AUTS2: variants seen among roughly 807,000 people sequenced by gnomAD.
AUTS2 encodes the protein autism susceptibility gene 2 protein.
AUTS2 carries 17 observed loss-of-function variants against 112.4 expected under a neutral mutation model. That is an observed-to-expected ratio of 0.15 (90% CI 0.10 to 0.23). The LOEUF is 0.23. Ranked by LOEUF, AUTS2 falls within the 10% of genes least tolerant of loss-of-function variation. AUTS2 has a pLI of 1.00. For synonymous variants in AUTS2, 751 were observed against 702.7 expected (o/e 1.07, Z -1.09); for missense variants, 1,510 against 1,701.6 (o/e 0.89, Z 1.98).
intron 2 of AUTS2, among the ~76,000 whole-genome samples, chr7:69,979,937 A>G (rs558138194): frequency 1.6e-4 from 25 of 152,276 alleles, no homozygotes; most frequent in Non-Finnish European, 2.5e-4. Context: ...TATTTACTGT[A>G]TGTTTTTGTG....
chr7:69,822,683 C>T (rs747754074), intron 1 of AUTS2, among the ~76,000 whole-genome samples: 1 of 152,182 alleles, frequency 6.6e-6, no homozygotes, highest in Non-Finnish European at 1.5e-5. Context: ...AGAGTTTTAG[C>T]ACAGGACAGA....
intron 4 of AUTS2, among the ~76,000 whole-genome samples, chr7:70,185,297 T>C: frequency 7.3e-6 from 1 of 137,744 alleles, no homozygotes; most frequent in Non-Finnish European, 1.5e-5. Context: ...GAAACGAGGA[T>C]CTTCCTATGT....
chr7:70,752,814 T>G (rs1788953836), intron 6 of AUTS2, among the ~76,000 whole-genome samples: 1 of 152,214 alleles, frequency 6.6e-6, no homozygotes, highest in Non-Finnish European at 1.5e-5. Flanking sequence ...GGTCATTTGA[T>G]TACATAGTCC....
intron 1 of AUTS2, among the ~76,000 whole-genome samples, chr7:69,649,513 G>A (rs1795194393): frequency 6.6e-6 from 1 of 151,824 alleles, no homozygotes; most frequent in Non-Finnish European, 1.5e-5. Context: ...CTCACTGTAT[G>A]CTTTTTTTTT....
chr7:69,643,649 C>T (rs2851498), intron 1 of AUTS2, among the ~76,000 whole-genome samples: 92,304 of 151,500 alleles, frequency 0.61, 28,515 homozygotes, highest in East Asian at 0.71. Context: ...CCCCACCCCG[C>T]CCCCAGCACA....
At chr7:70,605,638 T>G (rs965570107) in intron 5 of AUTS2, among the ~76,000 whole-genome samples, 1 of 150,838 alleles carries the variant, frequency 6.6e-6, no homozygotes, top group Non-Finnish European at 1.5e-5. Flanking sequence ...CTGGAACTTT[T>G]CTAGTAAGTA....
At chr7:69,647,802 A>G (rs549906037) in intron 1 of AUTS2, among the ~76,000 whole-genome samples, 4 of 152,348 alleles carry the variant, frequency 2.6e-5, no homozygotes, top group South Asian at 4.1e-4. Context: ...TGGCAGGACC[A>G]TGTTTCCTCT....
At chr7:70,287,219 G>A (rs887143044) in intron 4 of AUTS2, among the ~76,000 whole-genome samples, 1 of 152,134 alleles carries the variant, frequency 6.6e-6, no homozygotes, top group African/African-American at 2.4e-5. Flanking sequence ...AGAACTTAGG[G>A]AAATGTTGAG....
intron 1 of AUTS2, among the ~76,000 whole-genome samples, chr7:69,850,518 G>A (rs928526623): frequency 6.7e-6 from 1 of 149,332 alleles, no homozygotes; most frequent in Non-Finnish European, 1.5e-5. Context: ...CCAGGATTTG[G>A]AATTGTTGCT....
At chr7:70,489,769 G>T (rs565592356) in intron 5 of AUTS2, among the ~76,000 whole-genome samples, 3 of 152,164 alleles carry the variant, frequency 2.0e-5, no homozygotes, top group Non-Finnish European at 4.4e-5. Context: ...TATGATGATC[G>T]AATTCTGACC....
chr7:70,272,729 G>GT (rs927240962), intron 4 of AUTS2, among the ~76,000 whole-genome samples: 6 of 143,368 alleles, frequency 4.2e-5, no homozygotes, highest in Non-Finnish European at 9.2e-5. Context: ...AATGGTTGCT[G>GT]TTTTTTTGTT....
chr7:70,369,465 C>G (rs1792738799), intron 4 of AUTS2, among the ~76,000 whole-genome samples: 1 of 152,034 alleles, frequency 6.6e-6, no homozygotes, highest in African/African-American at 2.4e-5. Flanking sequence ...AAACCGAGGC[C>G]TTGAAGAATA....
At chr7:69,608,576 C>T (rs951941668) in intron 1 of AUTS2, among the ~76,000 whole-genome samples, 3 of 151,938 alleles carry the variant, frequency 2.0e-5, no homozygotes, top group South Asian at 4.2e-4. Context: ...TGTTGTTTAG[C>T]GAAATATTCT....
At chr7:70,265,249 T>C (rs1018284272) in intron 4 of AUTS2, among the ~76,000 whole-genome samples, 13 of 152,196 alleles carry the variant, frequency 8.5e-5, no homozygotes, top group African/African-American at 3.1e-4. Flanking sequence ...CATGATAGTT[T>C]TGTAGACAGC....
At chr7:70,593,598 T>G (rs971112516) in intron 5 of AUTS2, among the ~76,000 whole-genome samples, 13 of 152,176 alleles carry the variant, frequency 8.5e-5, no homozygotes, top group African/African-American at 3.1e-4. Flanking sequence ...TCACTGCACA[T>G]GTCTTAATGA....
At chr7:69,937,823 T>A (rs1202927581) in intron 2 of AUTS2, among the ~76,000 whole-genome samples, 3 of 152,202 alleles carry the variant, frequency 2.0e-5, no homozygotes, top group African/African-American at 7.2e-5. Context: ...CTGTGCTCTT[T>A]CCATGTGTTG....
chr7:69,973,397 A>G (rs533356067), intron 2 of AUTS2, among the ~76,000 whole-genome samples: 58 of 152,290 alleles, frequency 3.8e-4, no homozygotes, highest in Middle Eastern at 3.4e-3. Context: ...ATTTCTTCCT[A>G]TCTGATATCT....
intron 1 of AUTS2, among the ~76,000 whole-genome samples, chr7:69,600,408 CGTGTGTGTGT>C (rs113179115): frequency 9.8e-5 from 14 of 143,308 alleles, no homozygotes; most frequent in Non-Finnish European, 1.7e-4. Flanking sequence ...GTCATATGTT[CGTGTGTGTGT>C]GTGTGTGTGT....
rs112695108 is a variant in AUTS2, at chr7:70,155,462, CT to C, written c.660+20905del. Among the ~76,000 whole-genome samples the C allele has an allele frequency of 3.2e-3, 442 of 137,554 alleles. 1 individual carries two copies. Among genetic ancestry groups the C allele is most frequent in the Non-Finnish European group, 3.6e-3 (227 of 63,076 alleles). 90.2% of individuals were successfully genotyped at this position (137,554 alleles called of 152,430 possible). On this transcript the variant is annotated intron_variant, in intron 4 of 18. Transcript: ENST00000342771. ...AGCAGAGTCCTTGAAGGGCCCTTGA[CT>C]TTTTTTTTTTTTTCAGAGATCAGGG...
Sources: allele counts gnomAD v4.1 joint callset (sites outside exome capture counted in the v4.1 genomes callset), GRCh38; gene constraint gnomAD v4.1.1; transcripts MANE v1.5; gene names NCBI Gene and HGNC (gene_info 2026-07-23, HGNC 2026-07-21).